The following EDA variants were observed in gnomAD, a reference collection of about 807,000 sequenced individuals.
EDA encodes ectodysplasin A.
A neutral mutation model predicts 23.6 loss-of-function variants in EDA; 2 were observed. The observed-to-expected ratio is 0.08, with a 90% CI of 0.03 to 0.27. The LOEUF is 0.27. Among genes scored for constraint, EDA ranks in the 10% least tolerant of loss-of-function variants. The pLI, the probability that EDA is intolerant of heterozygous loss-of-function variation, is 1.00. For missense variants in EDA, 229 were observed against 324.2 expected (o/e 0.71, Z 2.26); for synonymous variants, 131 against 132.0 (o/e 0.99, Z 0.05).
intron 1 of EDA, among the ~76,000 whole-genome samples, chrX:69,863,115 C>T (rs1211511031): frequency 9.1e-6 from 1 of 109,641 alleles, no homozygotes; most frequent in African/African-American, 3.3e-5. Flanking sequence ...ACTGTCCTGC[C>T]CTCAAATTGG....
At chrX:69,711,160 A>G (rs1428504219) in intron 1 of EDA, among the ~76,000 whole-genome samples, 1 of 111,397 alleles carries the variant, frequency 9.0e-6, no homozygotes, top group Non-Finnish European at 1.9e-5. Context: ...ATTTTGAGAT[A>G]CGTCCCATCA....
At chrX:70,013,056 G>C (rs1368115440) in intron 2 of EDA, among the ~76,000 whole-genome samples, 1 of 112,478 alleles carries the variant, frequency 8.9e-6, no homozygotes, top group Non-Finnish European at 1.9e-5. Context: ...TTTCCATGCA[G>C]GTCTCTGACC....
intron 1 of EDA, among the ~76,000 whole-genome samples, chrX:69,768,756 T>A (rs979510916): frequency 8.9e-6 from 1 of 111,779 alleles, no homozygotes. Context: ...TAATGTGTTG[T>A]TCTTCTACTA....
intron 1 of EDA, among the ~76,000 whole-genome samples, chrX:69,922,828 T>C (rs112550060): frequency 0.01 from 1,130 of 111,740 alleles, 10 homozygotes; most frequent in African/African-American, 0.035. Flanking sequence ...AAGAACCTTA[T>C]TGGATTGTTG....
chrX:69,826,305 A>C (rs1167198154), intron 1 of EDA, among the ~76,000 whole-genome samples: 1 of 110,428 alleles, frequency 9.1e-6, no homozygotes, highest in Non-Finnish European at 1.9e-5. Flanking sequence ...GGGGTATTAA[A>C]GTCTCCCATT....
At chrX:70,030,605 C>A in intron 6 of EDA, 85 bp downstream of exon 6, 2 of 878,607 alleles carry the variant, frequency 2.3e-6, no homozygotes, top group Non-Finnish European at 3.3e-6. Flanking sequence ...CAGCCTAGTT[C>A]CTCCCAGGCC....
intron 1 of EDA, among the ~76,000 whole-genome samples, chrX:69,631,449 T>C (rs1385007778): frequency 9.3e-6 from 1 of 107,839 alleles, no homozygotes; most frequent in African/African-American, 3.4e-5. Flanking sequence ...ACCCCGCTCC[T>C]TGAGAATCAC....
chrX:69,708,364 C>G, intron 1 of EDA, among the ~76,000 whole-genome samples: 1 of 111,446 alleles, frequency 9.0e-6, no homozygotes. Context: ...GATTGGTGGA[C>G]ACTCAGCTAT....
intron 1 of EDA, among the ~76,000 whole-genome samples, chrX:69,766,124 T>C (rs1311322111): frequency 1.8e-5 from 2 of 112,015 alleles, no homozygotes; most frequent in African/African-American, 6.5e-5. Context: ...CTCAATTGTT[T>C]GCCCACTTTA....
intron 1 of EDA, among the ~76,000 whole-genome samples, chrX:69,673,016 A>G (rs1234693001): frequency 1.8e-5 from 2 of 111,945 alleles, no homozygotes; most frequent in Admixed American, 9.5e-5. Context: ...ACTTTGCCCT[A>G]TAACTTGGCT....
intron 2 of EDA, among the ~76,000 whole-genome samples, chrX:70,010,454 A>G (rs1217241223): frequency 8.9e-6 from 1 of 111,876 alleles, no homozygotes; most frequent in Non-Finnish European, 1.9e-5. Context: ...AGTTAGCATG[A>G]TATATCTTTC....
intron 1 of EDA, among the ~76,000 whole-genome samples, chrX:69,901,411 A>G (rs1486673252): frequency 8.9e-6 from 1 of 112,207 alleles, no homozygotes; most frequent in Non-Finnish European, 1.9e-5. Flanking sequence ...TGAGCATAGC[A>G]GAGTTAATTA....
chrX:69,649,573 G>T (rs1320673579), intron 1 of EDA, among the ~76,000 whole-genome samples: 1 of 106,597 alleles, frequency 9.4e-6, no homozygotes, highest in African/African-American at 3.4e-5. Context: ...TACCCTTGTA[G>T]TATGTGAAAT....
rs755748552 is a variant in EDA at position 70,035,828 on chromosome X, T to C, written c.*219T>C. 6.7e-6 allele frequency: 3 copies of C among 446,091 alleles called. No individual in the cohort carries two copies. Among genetic ancestry groups the C allele is most frequent in the Non-Finnish European group, 1.1e-5 (3 of 261,151 alleles). 36.8% of individuals were successfully genotyped at this position (446,091 alleles called of 1,213,427 possible). On this transcript the variant is annotated 3_prime_UTR_variant, in exon 8 of 8. Coordinates refer to ENST00000374552, the MANE Select transcript of EDA (RefSeq NM_001399.5). Reference sequence around the variant, plus strand: ...CAGGACAGTTGATGGAGCCCCAGGGTTTACATGAAGCAGAACCTTCTTTGG... The same window carrying C: ...CAGGACAGTTGATGGAGCCCCAGGGCTTACATGAAGCAGAACCTTCTTTGG...
At chrX:69,647,392 A>AT (rs1218473354) in intron 1 of EDA, among the ~76,000 whole-genome samples, 3 of 108,642 alleles carry the variant, frequency 2.8e-5, no homozygotes, top group Non-Finnish European at 5.8e-5. Flanking sequence ...CATTCCTTTC[A>AT]TTTTTTTTCT....
chrX:69,692,455 A>G (rs1934738821), intron 1 of EDA, among the ~76,000 whole-genome samples: 1 of 111,547 alleles, frequency 9.0e-6, no homozygotes, highest in Non-Finnish European at 1.9e-5. Context: ...GAATACAGAG[A>G]GTGAAAACTC....
At chrX:69,872,673 G>A (rs1285853446) in intron 1 of EDA, among the ~76,000 whole-genome samples, 1 of 111,685 alleles carries the variant, frequency 9.0e-6, no homozygotes, top group East Asian at 2.8e-4. Flanking sequence ...ATTAATGATA[G>A]AAGGACTAGT....
intron 1 of EDA, among the ~76,000 whole-genome samples, chrX:69,907,833 A>T (rs979607963): frequency 1.8e-5 from 2 of 111,096 alleles, no homozygotes; most frequent in African/African-American, 3.3e-5. Context: ...GAAAAGAGAT[A>T]TCTATTCCCT....
chrX:69,811,970 G>A (rs2015969097), intron 1 of EDA, among the ~76,000 whole-genome samples: 1 of 111,650 alleles, frequency 9.0e-6, no homozygotes, highest in African/African-American at 3.3e-5. Flanking sequence ...AGGGACAGGA[G>A]TGGGGCTTGA....
Sources: allele counts gnomAD v4.1 joint callset (sites outside exome capture counted in the v4.1 genomes callset), GRCh38; gene constraint gnomAD v4.1.1; transcripts MANE v1.5; gene names NCBI Gene and HGNC (gene_info 2026-07-23, HGNC 2026-07-21).